CFAP299: variants seen among roughly 807,000 people sequenced by gnomAD.
The protein encoded by CFAP299 is cilia and flagella associated protein 299.
A neutral mutation model predicts 27.0 loss-of-function variants in CFAP299; 21 were observed. The ratio of observed to expected loss-of-function variants is 0.78; its 90% CI spans 0.55 to 1.12. The LOEUF (loss-of-function observed/expected upper bound fraction) is 1.12, where lower values mean the gene tolerates loss of function less well. Among genes scored for constraint, CFAP299 ranks in the 50% most tolerant of loss-of-function variants. The probability of loss-of-function intolerance (pLI) is 0.00; values close to 1 mark genes in which losing one functional copy is unlikely to be tolerated. For missense variants in CFAP299, 310 were observed against 276.6 expected (o/e 1.12, Z -0.86); for synonymous variants, 104 against 98.1 (o/e 1.06, Z -0.36).
At chr4:80,565,904 G>T (rs1475258361) in intron 2 of CFAP299, among the ~76,000 whole-genome samples, 2 of 152,070 alleles carry the variant, frequency 1.3e-5, no homozygotes, top group Non-Finnish European at 2.9e-5. Context: ...CTGTGATAGA[G>T]ATGTGAGTGT....
chr4:80,909,318 T>G (rs1735352984), intron 4 of CFAP299, among the ~76,000 whole-genome samples: 1 of 152,084 alleles, frequency 6.6e-6, no homozygotes, highest in Admixed American at 6.6e-5. Flanking sequence ...TTCAGAGATC[T>G]TTTACAAGAC....
chr4:80,499,436 A>T (rs942229609), intron 2 of CFAP299, among the ~76,000 whole-genome samples: 1 of 152,110 alleles, frequency 6.6e-6, no homozygotes, highest in African/African-American at 2.4e-5. Flanking sequence ...ACACTGACAG[A>T]TATTTTTTCC....
chr4:80,922,928 T>C (rs549342251), intron 4 of CFAP299, among the ~76,000 whole-genome samples: 1 of 151,202 alleles, frequency 6.6e-6, no homozygotes, highest in Non-Finnish European at 1.5e-5. Flanking sequence ...CTATAATATA[T>C]ACATTTTACA....
chr4:80,326,311 T>G, the CFAP299 span, among the ~76,000 whole-genome samples: 1 of 152,166 alleles, frequency 6.6e-6, no homozygotes, highest in African/African-American at 2.4e-5. Flanking sequence ...TCTGTTCATG[T>G]CAAATCCTTG....
chr4:80,797,237 T>G (rs1192263637), intron 3 of CFAP299, among the ~76,000 whole-genome samples: 5 of 152,138 alleles, frequency 3.3e-5, no homozygotes, highest in South Asian at 2.1e-4. Context: ...TTGTTGCTAG[T>G]GTAGTTTGGT....
chr4:80,731,952 C>T (rs1723550122), intron 3 of CFAP299, among the ~76,000 whole-genome samples: 1 of 151,902 alleles, frequency 6.6e-6, no homozygotes, highest in African/African-American at 2.4e-5. Context: ...AAGATACAAC[C>T]CTTAATTGCC....
intron 3 of CFAP299, among the ~76,000 whole-genome samples, chr4:80,748,654 A>C (rs1724753126): frequency 6.6e-6 from 1 of 152,124 alleles, no homozygotes; most frequent in Non-Finnish European, 1.5e-5. Flanking sequence ...AGTTAGATGA[A>C]TATCTCTTCT....
At chr4:80,863,025 A>G (rs1166762030) in intron 3 of CFAP299, among the ~76,000 whole-genome samples, 1 of 152,158 alleles carries the variant, frequency 6.6e-6, no homozygotes, top group African/African-American at 2.4e-5. Flanking sequence ...ATGATTCATT[A>G]GCGCATTCAA....
chr4:80,704,279 G>A (rs751037621), intron 3 of CFAP299, among the ~76,000 whole-genome samples: 5 of 151,576 alleles, frequency 3.3e-5, no homozygotes, highest in South Asian at 2.1e-4. Flanking sequence ...GGGAAAAGTC[G>A]AAGAATTTGA....
intron 2 of CFAP299, among the ~76,000 whole-genome samples, chr4:80,531,528 C>A (rs750751206): frequency 6.6e-6 from 1 of 152,128 alleles, no homozygotes; most frequent in African/African-American, 2.4e-5. Flanking sequence ...AAATTTCCAT[C>A]TTTTATTATC....
At chr4:80,660,952 T>C (rs566020763) in intron 3 of CFAP299, among the ~76,000 whole-genome samples, 3 of 152,060 alleles carry the variant, frequency 2.0e-5, no homozygotes, top group African/African-American at 7.2e-5. Context: ...CAAAAAGACA[T>C]GGGAAATGGG....
At chr4:80,765,747 ATAAT>A (rs1336325663) in intron 3 of CFAP299, among the ~76,000 whole-genome samples, 2 of 152,114 alleles carry the variant, frequency 1.3e-5, no homozygotes, top group African/African-American at 4.8e-5. Context: ...ATATTGTGTA[ATAAT>A]TAAAGAGGAT....
At chr4:80,545,411 A>G (rs913564409) in intron 2 of CFAP299, among the ~76,000 whole-genome samples, 4 of 152,082 alleles carry the variant, frequency 2.6e-5, no homozygotes, top group Non-Finnish European at 5.9e-5. Flanking sequence ...TGAAACTAAA[A>G]GTTGGTTTAT....
At chr4:80,716,149 G>A (rs2110041108) in intron 3 of CFAP299, among the ~76,000 whole-genome samples, 1 of 152,062 alleles carries the variant, frequency 6.6e-6, no homozygotes, top group South Asian at 2.1e-4. Flanking sequence ...AATAAGTACA[G>A]GGTAAGAAAA....
chr4:80,697,863 G>C (rs1721208557), intron 3 of CFAP299, among the ~76,000 whole-genome samples: 1 of 152,146 alleles, frequency 6.6e-6, no homozygotes, highest in South Asian at 2.1e-4. Flanking sequence ...ATTTGGAGTG[G>C]AATGAGGAAA....
chr4:80,693,324 T>G (rs1720862424), intron 3 of CFAP299, among the ~76,000 whole-genome samples: 1 of 151,742 alleles, frequency 6.6e-6, no homozygotes, highest in Non-Finnish European at 1.5e-5. Context: ...TAGACTGGAT[T>G]AAGAAAATGT....
At chr4:80,797,871 A>G (rs1310608925) in intron 3 of CFAP299, among the ~76,000 whole-genome samples, 7 of 152,132 alleles carry the variant, frequency 4.6e-5, no homozygotes, top group Non-Finnish European at 1.5e-5. Flanking sequence ...AGGCATTTCT[A>G]GCTCGCTCAC....
intron 3 of CFAP299, among the ~76,000 whole-genome samples, chr4:80,857,530 T>C (rs1181536114): frequency 2.0e-5 from 3 of 152,234 alleles, no homozygotes; most frequent in African/African-American, 7.2e-5. Context: ...CAGTATGATA[T>C]TGGCTGTTGG....
chr4:80,510,766 A>G (rs1732258458), intron 2 of CFAP299, among the ~76,000 whole-genome samples: 1 of 152,196 alleles, frequency 6.6e-6, no homozygotes. Context: ...TGGAAACAAA[A>G]GCCATATTCA....
Sources: gnomAD v4.1 joint callset for allele counts (sites outside exome capture counted in the v4.1 genomes callset) on GRCh38, gnomAD v4.1.1 for gene constraint, MANE v1.5 for transcripts, NCBI Gene and HGNC (gene_info 2026-07-23, HGNC 2026-07-21) for gene names.